GALNT13: variants seen among roughly 807,000 people sequenced by gnomAD.
GALNT13 encodes polypeptide N-acetylgalactosaminyltransferase 13, also known as UDP-GalNAc:polypeptide N-acetylgalactosaminyltransferase 13.
A neutral mutation model predicts 64.2 loss-of-function variants in GALNT13; 28 were observed. The observed-to-expected ratio is 0.44, with a 90% CI of 0.32 to 0.60. The LOEUF is 0.60. GALNT13 is among the 20% of genes least tolerant of loss of function. GALNT13 has a pLI of 0.05. For synonymous variants in GALNT13, 214 were observed against 224.6 expected (o/e 0.95, Z 0.42); for missense variants, 577 against 669.8 (o/e 0.86, Z 1.53).
chr2:153,998,560 A>G lies in GALNT13; in HGVS notation c.142+53921A>G, dbSNP rs527829925. Among the ~76,000 whole-genome samples, 6 of 152,180 alleles carry G rather than the reference A, an allele frequency of 3.9e-5. No homozygotes were observed. In the South Asian group the frequency reaches 1.0e-3, roughly 26 times the overall value. On this transcript the variant is annotated intron_variant, in intron 3 of 12. Coordinates refer to ENST00000392825, the MANE Select transcript of GALNT13 (RefSeq NM_052917.4). ...TGGAGATTAGCCCTTTGCCAGATGG[A>G]TAGATTGCAAAAATGTTTACCCATT...
chr2:154,227,271 T>C (rs1200270297), intron 4 of GALNT13, among the ~76,000 whole-genome samples: 1 of 152,086 alleles, frequency 6.6e-6, no homozygotes, highest in African/African-American at 2.4e-5. Flanking sequence ...AAGGCTTCAT[T>C]TGCTTTTAGG....
At chr2:154,319,679 A>G in intron 9 of GALNT13, among the ~76,000 whole-genome samples, 1 of 152,044 alleles carries the variant, frequency 6.6e-6, no homozygotes, top group African/African-American at 2.4e-5. Flanking sequence ...AAAAAGAAAA[A>G]TATTTCTTAA....
At chr2:154,273,197 G>T (rs1402208792) in intron 8 of GALNT13, among the ~76,000 whole-genome samples, 1 of 152,108 alleles carries the variant, frequency 6.6e-6, no homozygotes, top group Admixed American at 6.6e-5. Flanking sequence ...AATGACAGAG[G>T]TGGAGGATGA....
the GALNT13 span, among the ~76,000 whole-genome samples, chr2:153,415,570 A>G: frequency 2.0e-5 from 3 of 152,336 alleles, no homozygotes; most frequent in East Asian, 5.8e-4. Flanking sequence ...AACCAAATAT[A>G]ATGCATTTAT....
chr2:153,777,643 C>T, the GALNT13 span, among the ~76,000 whole-genome samples: 2 of 152,134 alleles, frequency 1.3e-5, no homozygotes, highest in African/African-American at 4.8e-5. Flanking sequence ...TTGTACCCCT[C>T]GCAGGGTGTG....
chr2:153,953,397 T>C (rs962310187), intron 3 of GALNT13, among the ~76,000 whole-genome samples: 1 of 152,090 alleles, frequency 6.6e-6, no homozygotes, highest in Non-Finnish European at 1.5e-5. Flanking sequence ...ACACTACAAG[T>C]GTTAGTAAAT....
the GALNT13 span, among the ~76,000 whole-genome samples, chr2:153,285,110 C>T: frequency 6.0e-5 from 9 of 151,244 alleles, no homozygotes; most frequent in African/African-American, 1.9e-4. Flanking sequence ...CTTATAATTA[C>T]GGCAGAGGCA....
intron 3 of GALNT13, among the ~76,000 whole-genome samples, chr2:154,122,214 A>G (rs927211500): frequency 1.3e-4 from 19 of 151,714 alleles, no homozygotes; most frequent in Admixed American, 7.2e-4. Context: ...TATTTATTAT[A>G]TTTTTTTTGT....
At chr2:153,548,833 A>G in the GALNT13 span, among the ~76,000 whole-genome samples, 15 of 152,338 alleles carry the variant, frequency 9.8e-5, no homozygotes, top group Admixed American at 9.8e-4. Flanking sequence ...ACAAATGTTC[A>G]TAACAGCATG....
At chr2:153,326,849 G>C in the GALNT13 span, among the ~76,000 whole-genome samples, 1 of 152,194 alleles carries the variant, frequency 6.6e-6, no homozygotes, top group East Asian at 1.9e-4. Flanking sequence ...ACTTTGGGAG[G>C]CCAAGGCCGG....
At chr2:153,666,300 C>T in the GALNT13 span, among the ~76,000 whole-genome samples, 2 of 152,160 alleles carry the variant, frequency 1.3e-5, no homozygotes, top group Non-Finnish European at 2.9e-5. Context: ...GGTGTGCACA[C>T]ACAATTACAG....
chr2:153,440,235 A>T, the GALNT13 span, among the ~76,000 whole-genome samples: 1 of 152,138 alleles, frequency 6.6e-6, no homozygotes, highest in East Asian at 1.9e-4. Context: ...TTTGCTGAGA[A>T]TGATGATTTC....
intron 3 of GALNT13, among the ~76,000 whole-genome samples, chr2:153,984,761 T>A (rs1213260948): frequency 6.6e-6 from 1 of 151,952 alleles, no homozygotes; most frequent in Non-Finnish European, 1.5e-5. Flanking sequence ...TTCTACATAT[T>A]CCTGATGCTT....
the GALNT13 span, among the ~76,000 whole-genome samples, chr2:153,715,906 T>C: frequency 6.6e-6 from 1 of 152,014 alleles, no homozygotes; most frequent in Non-Finnish European, 1.5e-5. Context: ...ACTGATGTCT[T>C]TTCATTTTAC....
At chr2:154,345,496 C>G (rs114759268) in intron 9 of GALNT13, among the ~76,000 whole-genome samples, 8 of 151,902 alleles carry the variant, frequency 5.3e-5, no homozygotes, top group African/African-American at 1.7e-4. Context: ...CTTCTGAGTG[C>G]GTAAAATGTG....
At chr2:153,619,755 A>G in the GALNT13 span, among the ~76,000 whole-genome samples, 3 of 152,116 alleles carry the variant, frequency 2.0e-5, no homozygotes, top group African/African-American at 7.2e-5. Flanking sequence ...AGCACTTTAT[A>G]TGTGTCATAC....
the GALNT13 span, among the ~76,000 whole-genome samples, chr2:153,266,818 T>C: frequency 6.6e-6 from 1 of 152,174 alleles, no homozygotes; most frequent in Non-Finnish European, 1.5e-5. Context: ...TCTCACATCA[T>C]TTTTATGTTT....
rs185583808 is a variant in GALNT13 at position 154,196,977 on chromosome 2, T to C, written c.312-45053T>C. Reference sequence around the variant, plus strand: ...CTCAAGAGATGAATCATCTGATTGCTATCTCATTCCCTAAGTGCCATATAG... The same window carrying C: ...CTCAAGAGATGAATCATCTGATTGCCATCTCATTCCCTAAGTGCCATATAG... On this transcript the variant is annotated intron_variant, in intron 4 of 12. Coordinates refer to ENST00000392825, the MANE Select transcript of GALNT13 (RefSeq NM_052917.4). Among the ~76,000 whole-genome samples, 147 of 152,368 alleles carry C rather than the reference T, an allele frequency of 9.6e-4. 1 individual carries two copies. Among genetic ancestry groups the C allele is most frequent in the Admixed American group, 9.5e-3 (145 of 15,304 alleles).
chr2:153,400,320 G>A, the GALNT13 span, among the ~76,000 whole-genome samples: 2 of 152,130 alleles, frequency 1.3e-5, no homozygotes, highest in African/African-American at 4.8e-5. Context: ...TGCTGGATTC[G>A]TTTTGCCAGT....
Sources: gnomAD v4.1 joint callset for allele counts (sites outside exome capture counted in the v4.1 genomes callset) on GRCh38, gnomAD v4.1.1 for gene constraint, MANE v1.5 for transcripts, NCBI Gene and HGNC (gene_info 2026-07-23, HGNC 2026-07-21) for gene names.